ERC1: variants seen among roughly 807,000 people sequenced by gnomAD.
ERC1 encodes the protein ELKS/RAB6-interacting/CAST family member 1.
In ERC1, 56 loss-of-function variants were observed where a neutral mutation model predicts 132.0. The ratio of observed to expected loss-of-function variants is 0.42; its 90% CI spans 0.34 to 0.53. The LOEUF (loss-of-function observed/expected upper bound fraction) is 0.53, where lower values mean the gene tolerates loss of function less well. Among genes scored for constraint, ERC1 ranks in the 20% least tolerant of loss-of-function variants. The pLI, the probability that ERC1 is intolerant of heterozygous loss-of-function variation, is 0.03. For missense variants in ERC1, 1,202 were observed against 1,349.9 expected (o/e 0.89, Z 1.72); for synonymous variants, 478 against 476.1 (o/e 1.00, Z -0.05).
chr12:1,004,310 T>TC (rs1217668146), intron 1 of ERC1, among the ~76,000 whole-genome samples: 2 of 151,748 alleles, frequency 1.3e-5, no homozygotes, highest in Non-Finnish European at 2.9e-5. Flanking sequence ...ATTGGATGCT[T>TC]CCCCCCCTTT....
chr12:1,432,912 C>T (rs943230048), intron 17 of ERC1, among the ~76,000 whole-genome samples: 21 of 152,212 alleles, frequency 1.4e-4, no homozygotes, highest in African/African-American at 4.8e-4. Context: ...AAACTTTTTT[C>T]ACCACAGTCT....
At chr12:1,219,635 C>CTCTCT (rs1555312681) in intron 12 of ERC1, among the ~76,000 whole-genome samples, 1 of 140,740 alleles carries the variant, frequency 7.1e-6, no homozygotes, top group Non-Finnish European at 1.5e-5. Context: ...ACTGAACTCT[C>CTCTCT]TTTTTTTTTT....
At chr12:1,209,981 G>C (rs1957713719) in intron 12 of ERC1, among the ~76,000 whole-genome samples, 2 of 152,170 alleles carry the variant, frequency 1.3e-5, no homozygotes, top group Admixed American at 6.6e-5. Flanking sequence ...ATTGGCATGG[G>C]TACAAGAGTC....
At chr12:1,254,764 T>G (rs2076684063) in intron 13 of ERC1, among the ~76,000 whole-genome samples, 1 of 152,110 alleles carries the variant, frequency 6.6e-6, no homozygotes. Context: ...CCACCCACCT[T>G]GGCTTCCCAA....
chr12:1,083,130 T>G (rs769663021), intron 2 of ERC1, 34 bp from the exon 3 acceptor site: 8 of 1,561,702 alleles, frequency 5.1e-6, no homozygotes, highest in Non-Finnish European at 6.1e-6. Flanking sequence ...GGAGGAAAGC[T>G]GATTTGGGGG....
At chr12:1,067,484 G>A (rs1361813582) in intron 2 of ERC1, among the ~76,000 whole-genome samples, 3 of 152,174 alleles carry the variant, frequency 2.0e-5, no homozygotes, top group Non-Finnish European at 2.9e-5. Flanking sequence ...AAAACTCACC[G>A]AAGTAATTTA....
In ERC1 at chr12:1,369,141, A is replaced by G. The variant is rs560752160; in HGVS notation, c.2781-2692A>G. Among the ~76,000 whole-genome samples, 6 of 152,358 alleles carry G rather than the reference A, an allele frequency of 3.9e-5. No individual in the cohort carries two copies. In the East Asian group the frequency reaches 1.2e-3, roughly 29 times the overall value. On this transcript the variant is annotated intron_variant, in intron 15 of 18. Transcript: ENST00000360905. ...AAATTATATATCTTGTTAAAAAGAC[A>G]CTATTCCAATGGCTCAGACTCCAAT... is the stretch of plus-strand genomic sequence containing the variant.
chr12:1,045,848 T>G (rs1970997997), intron 2 of ERC1, among the ~76,000 whole-genome samples: 1 of 152,092 alleles, frequency 6.6e-6, no homozygotes, highest in Non-Finnish European at 1.5e-5. Flanking sequence ...TATCATAGGA[T>G]CCAAAGGCTC....
intron 1 of ERC1, among the ~76,000 whole-genome samples, chr12:1,002,839 C>A (rs1008976450): frequency 2.6e-5 from 4 of 151,864 alleles, no homozygotes; most frequent in African/African-American, 9.7e-5. Flanking sequence ...ACATGTCTTG[C>A]CCAATTTTAT....
chr12:1,402,179 A>G (rs1371080729), intron 16 of ERC1, among the ~76,000 whole-genome samples: 1 of 152,254 alleles, frequency 6.6e-6, no homozygotes, highest in Non-Finnish European at 1.5e-5. Context: ...AAAATTTGTG[A>G]GATGCTGCTA....
intron 6 of ERC1, among the ~76,000 whole-genome samples, chr12:1,113,466 A>G (rs1472843616): frequency 1.3e-5 from 2 of 152,248 alleles, no homozygotes; most frequent in Admixed American, 6.5e-5. Flanking sequence ...TTACTGACCT[A>G]TACTAGGCTG....
rs754380164 is a variant in ERC1, at chr12:1,491,788, A to G, written c.*1558A>G. 30 of 232,090 alleles carry G rather than the reference A, an allele frequency of 1.3e-4. No individual in the cohort carries two copies. The South Asian group carries it at 1.4e-3, about 11-fold the overall frequency. 14.4% of individuals were successfully genotyped at this position (232,090 alleles called of 1,614,324 possible). A position where few individuals can be genotyped will look rare whatever the true frequency, so the allele number is the denominator to read the frequency against. On this transcript the variant is annotated 3_prime_UTR_variant, in exon 19 of 19. Coordinates refer to ENST00000360905, the MANE Select transcript of ERC1 (RefSeq NM_178040.4). ...AAGCTGACCCCAAGACTGCAAATCA[A>G]TGAAGGTATTGGCATTGTTAAGGAC...
intron 15 of ERC1, among the ~76,000 whole-genome samples, chr12:1,369,788 C>T (rs1032245013): frequency 3.3e-5 from 5 of 152,170 alleles, no homozygotes; most frequent in African/African-American, 1.2e-4. Flanking sequence ...CTTAGAATTA[C>T]GTAGTGTGGG....
intron 15 of ERC1, among the ~76,000 whole-genome samples, chr12:1,309,241 T>G (rs2081111521): frequency 2.0e-5 from 3 of 152,208 alleles, no homozygotes; most frequent in Admixed American, 2.0e-4. Flanking sequence ...AACAATAATT[T>G]TGCATGATGT....
At chr12:1,035,763 A>T (rs975528865) in intron 2 of ERC1, among the ~76,000 whole-genome samples, 2 of 152,064 alleles carry the variant, frequency 1.3e-5, no homozygotes, top group South Asian at 2.1e-4. Flanking sequence ...TCTACTAAAA[A>T]TACAAAAAAT....
At chr12:1,010,741 G>C (rs964565729) in intron 1 of ERC1, among the ~76,000 whole-genome samples, 1 of 151,786 alleles carries the variant, frequency 6.6e-6, no homozygotes, top group African/African-American at 2.4e-5. Flanking sequence ...TTGAACTCCT[G>C]ACCTCAGGTG....
chr12:1,222,078 C>T (rs1050424597), intron 12 of ERC1, among the ~76,000 whole-genome samples: 1 of 152,118 alleles, frequency 6.6e-6, no homozygotes, highest in South Asian at 2.1e-4. Flanking sequence ...CAGCATTACA[C>T]AGTGGCATTT....
chr12:1,057,508 A>C (rs1254082435), intron 2 of ERC1, among the ~76,000 whole-genome samples: 2 of 151,488 alleles, frequency 1.3e-5, no homozygotes, highest in African/African-American at 4.9e-5. Context: ...AGTAAGCATT[A>C]ATTATGACTT....
chr12:1,356,322 A>G (rs752718214), intron 15 of ERC1, among the ~76,000 whole-genome samples: 23 of 151,958 alleles, frequency 1.5e-4, no homozygotes, highest in Non-Finnish European at 3.2e-4. Flanking sequence ...ATAGGTATCA[A>G]TTTCTATAGT....
Sources: allele counts gnomAD v4.1 joint callset (sites outside exome capture counted in the v4.1 genomes callset), GRCh38; gene constraint gnomAD v4.1.1; transcripts MANE v1.5; gene names NCBI Gene and HGNC (gene_info 2026-07-23, HGNC 2026-07-21).